The following IKZF4 variants were observed in gnomAD, a reference collection of about 807,000 sequenced individuals.
The protein encoded by IKZF4 is IKAROS family zinc finger 4.
Under a neutral mutation model 47.7 loss-of-function variants are expected in IKZF4, and 11 were observed. The ratio of observed to expected loss-of-function variants is 0.23; its 90% CI spans 0.15 to 0.38. The LOEUF (loss-of-function observed/expected upper bound fraction) is 0.38, where lower values mean the gene tolerates loss of function less well. IKZF4 is among the 10% of genes least tolerant of loss of function. IKZF4 has a pLI of 1.00. For missense variants in IKZF4, 557 were observed against 784.9 expected, an observed-to-expected ratio of 0.71 and a Z score of 3.47; for synonymous variants, 298 against 299.4, an observed-to-expected ratio of 1.00 and a Z score of 0.05.
At chr12:56,019,314 A>G (rs1177858945), upstream of IKZF4, 1 of 974,968 alleles carries the variant, frequency 1.0e-6, no homozygotes, top group African/African-American at 1.8e-5. Context: ...TTTTTACTCT[A>G]AAGTAGGACC....
At chr12:56,007,661 T>TCG (rs1418361976) in exon 1 of IKZF4, 1 of 151,866 alleles carries the variant, frequency 6.6e-6, no homozygotes, top group East Asian at 1.9e-4. Context: ...CCCCGCCCCC[T>TCG]CGCCTCCCTC....
upstream of IKZF4, among the ~76,000 whole-genome samples, chr12:56,017,036 TG>T (rs1427772042): frequency 6.6e-6 from 1 of 152,104 alleles, no homozygotes; most frequent in African/African-American, 2.4e-5. Flanking sequence ...GCCGCAATTT[TG>T]GAGGTATGTA....
At chr12:56,023,625 A>T in intron 1 of IKZF4, 46 bp from the exon 2 acceptor site, 1 of 1,603,162 alleles carries the variant, frequency 6.2e-7, no homozygotes, top group East Asian at 2.2e-5. Flanking sequence ...TGAATGGGAA[A>T]TGGTCCCAAA....
At chr12:56,012,327 T>G (rs1222005986) in intron 2 of IKZF4, among the ~76,000 whole-genome samples, 1 of 148,494 alleles carries the variant, frequency 6.7e-6, no homozygotes, top group Non-Finnish European at 1.5e-5. Context: ...CAGTCTGGAG[T>G]GCAATGGCCC....
intron 2 of IKZF4, among the ~76,000 whole-genome samples, chr12:56,012,962 T>G (rs1891520714): frequency 6.6e-6 from 1 of 152,130 alleles, no homozygotes; most frequent in African/African-American, 2.4e-5. Context: ...GCCACTGCAC[T>G]CCAGCCCAGA....
At chr12:56,019,000 G>A (rs370209557), upstream of IKZF4, among the ~76,000 whole-genome samples, 4 of 151,920 alleles carry the variant, frequency 2.6e-5, no homozygotes, top group East Asian at 5.8e-4. Context: ...GGCAGATCAC[G>A]AAGTCAAGAG....
chr12:56,026,689 CAAA>C (rs531342295), intron 3 of IKZF4, 89 bp from the exon 4 acceptor site: 8,296 of 915,048 alleles, frequency 9.1e-3, no homozygotes, highest in South Asian at 0.015. Flanking sequence ...AATTCCATCT[CAAA>C]AAAAAAAAAA....
chr12:56,011,704 C>G (rs1353766123), intron 2 of IKZF4: 2 of 152,180 alleles, frequency 1.3e-5, no homozygotes, highest in Non-Finnish European at 2.9e-5. Context: ...TCAGACCTTT[C>G]CACTGTAAAG....
chr12:56,013,486 G>A (rs1381985519), intron 2 of IKZF4, among the ~76,000 whole-genome samples: 1 of 152,024 alleles, frequency 6.6e-6, no homozygotes, highest in African/African-American at 2.4e-5. Context: ...GTGAGCCACC[G>A]CCCCCAGCCG....
upstream of IKZF4, chr12:56,021,011 G>A: frequency 1.0e-6 from 1 of 994,964 alleles, no homozygotes; most frequent in Non-Finnish European, 1.2e-6. Context: ...CCCACCCGCA[G>A]GCCCATCCAT....
chr12:56,035,142 T>C lies in IKZF4; in HGVS notation c.1569T>C (p.Ser523=). The C allele has an allele frequency of 6.2e-7, 1 of 1,613,642 alleles. No homozygotes were observed. The highest frequency in any genetic ancestry group is 1.1e-5 in the South Asian group (1 of 91,058). The change falls in exon 8 of 8, where the codon AGT becomes AGC. Residue 523 remains serine (S), a synonymous_variant. Coordinates refer to ENST00000547167, the MANE Select transcript of IKZF4 (RefSeq NM_022465.4). This position sits in a 1 kb window ranked among gnomAD's most constrained non-coding sequence, Gnocchi z 6.1. The part of the protein sequence containing the change: ...SKEVLRVVGE[S]GEPVKAFKCE... The stretch of plus-strand genomic sequence containing the variant: ...AAGTGCTTCGGGTGGTGGGCGAGAG[T>C]GGTGAGCCTGTGAAGGCCTTCAAGT...
rs144146195 is a variant in IKZF4, at chr12:56,030,140, G to A, written c.715+2193G>A. 3.7e-3 allele frequency among the ~76,000 whole-genome samples: 567 copies of A among 152,270 alleles called. 3 individuals carry two copies. Among genetic ancestry groups the A allele is most frequent in the Admixed American group, 7.1e-3 (109 of 15,294 alleles). On this transcript the variant is annotated intron_variant, in intron 5 of 7. Coordinates refer to ENST00000547167, the MANE Select transcript of IKZF4 (RefSeq NM_022465.4). ...CTCATAGAAGCACGGAGTAGGTTGGGTGCAGTGGCTCACGTCTATCATCCC... is the reference window on the plus strand; with the variant it reads ...CTCATAGAAGCACGGAGTAGGTTGGATGCAGTGGCTCACGTCTATCATCCC...
chr12:56,023,563 C>G, intron 1 of IKZF4, 108 bp from the exon 2 acceptor site: 1 of 1,303,670 alleles, frequency 7.7e-7, no homozygotes, highest in Non-Finnish European at 1.0e-6. Flanking sequence ...GAACATTTTT[C>G]CTCAGGCTTT....
At chr12:56,028,035 TC>T in intron 5 of IKZF4, 88 bp downstream of exon 5, 1 of 1,369,216 alleles carries the variant, frequency 7.3e-7, no homozygotes, top group Non-Finnish European at 9.6e-7. Flanking sequence ...TTTGGGGAGT[TC>T]CAGTGTCTGT....
intron 1 of IKZF4, among the ~76,000 whole-genome samples, chr12:56,010,827 G>A (rs1815418131): frequency 1.3e-5 from 2 of 152,162 alleles, no homozygotes; most frequent in Non-Finnish European, 2.9e-5. Context: ...AGTTCCTGGA[G>A]TACCCCTGCC....
intron 1 of IKZF4, 92 bp downstream of exon 1, chr12:56,021,672 A>T: frequency 6.9e-7 from 1 of 1,451,536 alleles, no homozygotes. Context: ...GCCTGAGGAG[A>T]TGGAGAGGAT....
At chr12:56,032,489 CT>C (rs1895048134) in intron 5 of IKZF4, 71 bp from the exon 6 acceptor site, 1 of 1,460,866 alleles carries the variant, frequency 6.8e-7, no homozygotes, top group Non-Finnish European at 9.2e-7. Context: ...TATACTTGCT[CT>C]TGGCTGAATC....
chr12:56,030,413 A>C (rs1403158450), intron 5 of IKZF4, among the ~76,000 whole-genome samples: 1 of 151,644 alleles, frequency 6.6e-6, no homozygotes, highest in African/African-American at 2.4e-5. Context: ...TCTGGGTGAC[A>C]GAGTGAGACC....
At chr12:56,012,731 A>G (rs1018833551) in intron 2 of IKZF4, among the ~76,000 whole-genome samples, 46 of 152,174 alleles carry the variant, frequency 3.0e-4, no homozygotes, top group African/African-American at 9.9e-4. Flanking sequence ...TCTGTCTAGA[A>G]AGGATGCCCA....
Sources: allele counts gnomAD v4.1 joint callset (sites outside exome capture counted in the v4.1 genomes callset), GRCh38; gene constraint gnomAD v4.1.1; non-coding constraint Gnocchi (gnomAD v3.1); transcripts MANE v1.5; gene names NCBI Gene and HGNC (gene_info 2026-07-23, HGNC 2026-07-21).